Variants in DNAI2 observed in about 807,000 individuals in gnomAD.
DNAI2 encodes dynein axonemal intermediate chain 2.
A neutral mutation model predicts 74.7 loss-of-function variants in DNAI2; 63 were observed. That is an observed-to-expected ratio of 0.84 (90% CI 0.69 to 1.04). The LOEUF is 1.04. DNAI2 is among the 50% of genes least tolerant of loss of function. The pLI is 0.00. For missense variants in DNAI2, 688 were observed against 803.2 expected (o/e 0.86, Z 1.73); for synonymous variants, 289 against 314.9 (o/e 0.92, Z 0.87).
At chr17:74,279,596 C>T (rs1048786335) in intron 1 of DNAI2, among the ~76,000 whole-genome samples, 1 of 152,300 alleles carries the variant, frequency 6.6e-6, no homozygotes, top group African/African-American at 2.4e-5. Context: ...GGCACAATCT[C>T]GACTCACTGC....
At chr17:74,274,538 G>A (rs1439818696) in intron 1 of DNAI2, among the ~76,000 whole-genome samples, 193 bp downstream of exon 1, 1 of 152,152 alleles carries the variant, frequency 6.6e-6, no homozygotes, top group Non-Finnish European at 1.5e-5. Flanking sequence ...AGTCCTCGCT[G>A]CCCTGGATCC....
Position 74,299,780 on chromosome 17 carries a change from C to G in DNAI2, c.787C>G (p.Arg263Gly), listed in dbSNP as rs137852998. Residue 263 changes from arginine (R) to glycine (G), a missense_variant, in exon 7 of 14, where the codon CGA becomes GGA. By Grantham distance (125) the Arg-to-Gly change is moderately radical (BLOSUM62 -2). Transcript: ENST00000311014. ...GCTATCCACCATTGAGTCCAGCCAC[C>G]GAGACCCTGTGTATGGCACCATCTG... is the stretch of plus-strand genomic sequence containing the variant. ...AELSTIESSH[R>G]DPVYGTIWLQ... The G allele has an allele frequency of 3.1e-6, 5 of 1,613,416 alleles. No individual in the cohort carries two copies. In the East Asian group the frequency reaches 8.9e-5, roughly 29 times the overall value.
At chr17:74,287,914 C>T (rs1288524669) in intron 4 of DNAI2, among the ~76,000 whole-genome samples, 1 of 150,486 alleles carries the variant, frequency 6.6e-6, no homozygotes, top group Non-Finnish European at 1.5e-5. Context: ...GAGATCGCAC[C>T]ACTGCACTGC....
At chr17:74,284,273 T>G (rs371091730) in intron 2 of DNAI2, among the ~76,000 whole-genome samples, 22 of 150,622 alleles carry the variant, frequency 1.5e-4, no homozygotes, top group African/African-American at 5.1e-4. Flanking sequence ...CGTGTAAAAC[T>G]GTCCTCCCTG....
At chr17:74,301,902 G>A (rs372646357) in intron 8 of DNAI2, among the ~76,000 whole-genome samples, 101 of 30,464 alleles carry the variant, frequency 3.3e-3, no homozygotes, top group Non-Finnish European at 3.3e-3. Context: ...AAGGAAGGAA[G>A]GAAGGAAAGA....
chr17:74,284,140 A>C (rs2051554456), intron 2 of DNAI2, among the ~76,000 whole-genome samples: 1 of 100,536 alleles, frequency 9.9e-6, no homozygotes, highest in African/African-American at 5.2e-5. Context: ...CTCCTTTTCA[A>C]AAAAAAAAAA....
At position 74,300,958 on chromosome 17, in the gene DNAI2, C is replaced by T. The variant is rs2052725937; in HGVS notation, c.865-88C>T. 1.3e-6 allele frequency: 2 copies of T among 1,586,902 alleles called. No homozygotes were observed. The highest frequency in any genetic ancestry group is 1.7e-6 in the Non-Finnish European group (2 of 1,164,368). ...CATCCTTTGTGGCCCAGTGGCTGAC[C>T]CCAGGACGGTGGGGTGAGGGCGGAG... On this transcript the variant is annotated intron_variant, in intron 7 of 13. Coordinates refer to ENST00000311014, the MANE Select transcript of DNAI2 (RefSeq NM_023036.6). The surrounding 1 kb of genome is among the most constrained non-coding windows in gnomAD (Gnocchi z 4.5).
Position 74,281,799 on chromosome 17 carries a change from C to A in DNAI2, c.-11-8C>A. On this transcript the variant is annotated splice_region_variant and splice_polypyrimidine_tract_variant and intron_variant, in intron 1 of 13. Coordinates refer to ENST00000311014, the MANE Select transcript of DNAI2 (RefSeq NM_023036.6). ...TCCCTCACCCCACACCCTCCCTCTG[C>A]CCCCCAGCAGCCGGCACCATGGAGA... 1 of 1,612,720 alleles carries A rather than the reference C, an allele frequency of 6.2e-7. No homozygotes were observed. Among genetic ancestry groups the A allele is most frequent in the Non-Finnish European group, 8.5e-7 (1 of 1,179,874 alleles).
intron 1 of DNAI2, among the ~76,000 whole-genome samples, chr17:74,275,301 G>C (rs118024434): frequency 6.6e-6 from 1 of 152,126 alleles, no homozygotes; most frequent in Non-Finnish European, 1.5e-5. Flanking sequence ...ACTTTCCTTG[G>C]GGGGCTCAGC....
intron 10 of DNAI2, chr17:74,309,717 C>T: frequency 1.6e-6 from 1 of 632,824 alleles, no homozygotes; most frequent in Non-Finnish European, 2.8e-6. Flanking sequence ...TGGACCTTCC[C>T]CTTCATGTCA....
At chr17:74,301,858 GGAAA>G (rs1208236044) in intron 8 of DNAI2, among the ~76,000 whole-genome samples, 37 of 109,520 alleles carry the variant, frequency 3.4e-4, no homozygotes, top group African/African-American at 1.3e-3. Flanking sequence ...AAAGAAGGAA[GGAAA>G]GAAGGAAGGA....
intron 1 of DNAI2, among the ~76,000 whole-genome samples, chr17:74,277,055 TCCCACC>T (rs201083051): frequency 0.083 from 12,625 of 152,108 alleles, 693 homozygotes; most frequent in Admixed American, 0.13. Context: ...AAGCCATTGC[TCCCACC>T]CAGGAAAGAG....
chr17:74,297,494 G>T (rs1470459055), intron 6 of DNAI2, among the ~76,000 whole-genome samples: 1 of 148,546 alleles, frequency 6.7e-6, no homozygotes, highest in Non-Finnish European at 1.5e-5. Context: ...GGGTTCAAGC[G>T]ATCCTCCTGC....
At position 74,310,002 on chromosome 17, in the gene DNAI2, C is replaced by A; in HGVS notation, c.1348-15C>A. 1 of 1,613,724 alleles carries A rather than the reference C, an allele frequency of 6.2e-7. No individual in the cohort carries two copies. Among genetic ancestry groups the A allele is most frequent in the Non-Finnish European group, 8.5e-7 (1 of 1,180,018 alleles). On this transcript the variant is annotated splice_polypyrimidine_tract_variant and intron_variant, in intron 10 of 13. Coordinates refer to ENST00000311014, the MANE Select transcript of DNAI2 (RefSeq NM_023036.6). ...CCTCTCTCCTCTACCTGGGTCTGCC[C>A]GGCCCCTTCAATAGGTGTGTGACGA...
At chr17:74,291,385 C>G (rs1388199966) in intron 6 of DNAI2, among the ~76,000 whole-genome samples, 1 of 152,030 alleles carries the variant, frequency 6.6e-6, no homozygotes, top group South Asian at 2.1e-4. Flanking sequence ...GCTGGTCTCG[C>G]ACTCCTGACC....
rs2052658709 is a variant in DNAI2 at position 74,299,840 on chromosome 17, G to A, written c.847G>A (p.Ala283Thr). ...QSKTGTECFSASTDGQVMWWD... is the reference protein window; with the variant it reads ...QSKTGTECFSTSTDGQVMWWD... ...GAAGACGGGCACCGAGTGCTTCTCA[G>A]CTTCCACGGATGGGCAGGTACCCAC... The change falls in exon 7 of 14, where the codon GCT becomes ACT. Residue 283 changes from alanine to threonine, a missense_variant. Transcript: ENST00000311014. 1 of 1,613,548 alleles carries A rather than the reference G, an allele frequency of 6.2e-7. No individual in the cohort carries two copies. The highest frequency in any genetic ancestry group is 8.5e-7 in the Non-Finnish European group (1 of 1,180,014).
At chr17:74,284,284 C>A (rs996376233) in intron 2 of DNAI2, among the ~76,000 whole-genome samples, 3 of 151,592 alleles carry the variant, frequency 2.0e-5, no homozygotes, top group Non-Finnish European at 4.4e-5. Flanking sequence ...GTCCTCCCTG[C>A]TAGAGAGGAT....
chr17:74,277,278 G>A (rs948543231), intron 1 of DNAI2, among the ~76,000 whole-genome samples: 3 of 151,604 alleles, frequency 2.0e-5, no homozygotes, highest in East Asian at 1.9e-4. Flanking sequence ...TCCCAGCTAC[G>A]GGAGGCTGAG....
chr17:74,300,711 A>G lies in DNAI2; in HGVS notation c.865-335A>G, dbSNP rs2052711063. Among the ~76,000 whole-genome samples the G allele has an allele frequency of 1.3e-5, 2 of 152,196 alleles. No individual in the cohort carries two copies. The highest frequency in any genetic ancestry group is 2.9e-5 in the Non-Finnish European group (2 of 68,028). ...GACTTCTAGGTCGGAGCACACATGCATTTTTAACATTGCCGGATATTGCCT... is the reference window on the plus strand; with the variant it reads ...GACTTCTAGGTCGGAGCACACATGCGTTTTTAACATTGCCGGATATTGCCT... On this transcript the variant is annotated intron_variant, in intron 7 of 13. Coordinates refer to ENST00000311014, the MANE Select transcript of DNAI2 (RefSeq NM_023036.6). The surrounding 1 kb of genome is among the most constrained non-coding windows in gnomAD (Gnocchi z 4.5).
Sources: allele counts gnomAD v4.1 joint callset (sites outside exome capture counted in the v4.1 genomes callset), GRCh38; gene constraint gnomAD v4.1.1; non-coding constraint Gnocchi (gnomAD v3.1); transcripts MANE v1.5; gene names NCBI Gene and HGNC (gene_info 2026-07-23, HGNC 2026-07-21).